The following ZNF280B variants were observed in gnomAD, a reference collection of about 807,000 sequenced individuals.
ZNF280B encodes the protein suppressor of hairy wing homolog 2.
Under a neutral mutation model 38.0 loss-of-function variants are expected in ZNF280B, and 16 were observed. That is an observed-to-expected ratio of 0.42 (90% CI 0.28 to 0.64). The LOEUF (loss-of-function observed/expected upper bound fraction) is 0.64, where lower values mean the gene tolerates loss of function less well. ZNF280B is among the 30% of genes least tolerant of loss of function. The pLI, the probability that ZNF280B is intolerant of heterozygous loss-of-function variation, is 0.21. For synonymous variants in ZNF280B, 253 were observed against 230.6 expected, an observed-to-expected ratio of 1.10 and a Z score of -0.88; for missense variants, 581 against 639.6, an observed-to-expected ratio of 0.91 and a Z score of 0.99.
At chr22:22,504,435 A>AAC (rs1358388676) in intron 2 of ZNF280B, among the ~76,000 whole-genome samples, 1 of 151,802 alleles carries the variant, frequency 6.6e-6, no homozygotes, top group East Asian at 2.0e-4. Flanking sequence ...TGAAAAAAAA[A>AAC]AAAAACAAAC....
intron 3 of ZNF280B, among the ~76,000 whole-genome samples, chr22:22,491,457 C>CTTTTTTTTTTTTT (rs55720546): frequency 2.6e-5 from 3 of 113,978 alleles, no homozygotes; most frequent in East Asian, 2.4e-4. Context: ...TGTCTTTTTT[C>CTTTTTTTTTTTTT]TTTTTTTTTT....
At position 22,487,668 on chromosome 22, in the gene ZNF280B, T is replaced by C; in HGVS notation, c.*99A>G. 2.1e-6 allele frequency: 2 copies of C among 966,802 alleles called. No individual in the cohort carries two copies. The highest frequency in any genetic ancestry group is 1.7e-5 in the South Asian group (1 of 57,660). 59.9% of individuals were successfully genotyped at this position (966,802 alleles called of 1,614,324 possible). A position where few individuals can be genotyped will look rare whatever the true frequency, so the allele number is the denominator to read the frequency against. On this transcript the variant is annotated 3_prime_UTR_variant, in exon 4 of 4. Transcript: ENST00000626650. The stretch of plus-strand genomic sequence containing the variant: ...CATATATAATCCACTAGTTTCACTA[T>C]TTTTGGTGCTACTGAATAATGTATG...
chr22:22,495,994 T>C (rs2061685907), intron 2 of ZNF280B, among the ~76,000 whole-genome samples: 1 of 151,072 alleles, frequency 6.6e-6, no homozygotes, highest in African/African-American at 2.4e-5. Context: ...TTAGTAGAGA[T>C]GGAGTTTCAC....
chr22:22,506,626 C>G (rs977672019), intron 2 of ZNF280B, among the ~76,000 whole-genome samples: 2 of 151,678 alleles, frequency 1.3e-5, no homozygotes, highest in African/African-American at 4.8e-5. Flanking sequence ...GCATCAAAAA[C>G]GAGATCTTTA....
chr22:22,501,475 G>C (rs2061824118), intron 2 of ZNF280B, among the ~76,000 whole-genome samples: 1 of 151,820 alleles, frequency 6.6e-6, no homozygotes. Context: ...GAGGCAGGAA[G>C]AATCACTTGA....
intron 3 of ZNF280B, among the ~76,000 whole-genome samples, chr22:22,493,352 T>C (rs2061634902): frequency 6.6e-6 from 1 of 151,986 alleles, no homozygotes; most frequent in African/African-American, 2.4e-5. Context: ...TATGATTTAC[T>C]AAAGTTATAT....
intron 2 of ZNF280B, among the ~76,000 whole-genome samples, chr22:22,504,678 G>T (rs1374771415): frequency 1.3e-5 from 2 of 151,894 alleles, no homozygotes; most frequent in African/African-American, 4.8e-5. Flanking sequence ...CTATTTTAGT[G>T]GAACTATAGC....
chr22:22,505,924 A>G (rs538248773), intron 2 of ZNF280B, among the ~76,000 whole-genome samples: 1 of 152,084 alleles, frequency 6.6e-6, no homozygotes, highest in Admixed American at 6.6e-5. Flanking sequence ...TTAGAGAGTA[A>G]TAGTGGAAGC....
rs1386019494 is a variant in ZNF280B, at chr22:22,508,684, A to C, written c.-273T>G. 2 of 151,844 alleles carry C rather than the reference A, an allele frequency of 1.3e-5. No homozygotes were observed. Among genetic ancestry groups the C allele is most frequent in the Non-Finnish European group, 2.9e-5 (2 of 68,010 alleles). The allele number at this position is 151,844 out of a possible 1,614,324, so 9.4% of individuals were successfully genotyped here. A position where few individuals can be genotyped will look rare whatever the true frequency, so the allele number is the denominator to read the frequency against. Reference sequence around the variant, plus strand: ...CAGTCCGGATCAGCTGCTGTTCGCGAGCTGCCGGCCACGCACCAGCCCCGG... The same window carrying C: ...CAGTCCGGATCAGCTGCTGTTCGCGCGCTGCCGGCCACGCACCAGCCCCGG... On this transcript the variant is annotated 5_prime_UTR_variant, in exon 1 of 4. Transcript: ENST00000626650.
intron 3 of ZNF280B, among the ~76,000 whole-genome samples, chr22:22,490,538 G>T (rs1190933780): frequency 1.3e-5 from 2 of 151,724 alleles, no homozygotes. Context: ...ATATATTTCA[G>T]CTCACTGCAA....
intron 2 of ZNF280B, among the ~76,000 whole-genome samples, chr22:22,495,670 T>C (rs1464659627): frequency 6.6e-6 from 1 of 151,882 alleles, no homozygotes; most frequent in Non-Finnish European, 1.5e-5. Context: ...AGAGTGGAAA[T>C]AGTAGTAAGG....
At chr22:22,505,418 T>C (rs1445177119) in intron 2 of ZNF280B, among the ~76,000 whole-genome samples, 1 of 151,598 alleles carries the variant, frequency 6.6e-6, no homozygotes, top group Non-Finnish European at 1.5e-5. Context: ...ATACAAAACG[T>C]AGCCAAGTGT....
At chr22:22,500,823 C>T (rs1357893811) in intron 2 of ZNF280B, among the ~76,000 whole-genome samples, 3 of 151,718 alleles carry the variant, frequency 2.0e-5, no homozygotes, top group African/African-American at 7.3e-5. Context: ...CACGCCACTG[C>T]ACTCCAGCCT....
chr22:22,501,035 A>AAAAAAC (rs1555942001), intron 2 of ZNF280B, among the ~76,000 whole-genome samples: 5,099 of 139,636 alleles, frequency 0.037, 168 homozygotes, highest in African/African-American at 0.077. Context: ...AAAAAAAAAA[A>AAAAAAC]AAAAAACAAA....
chr22:22,486,131 G>A lies in ZNF280B; in HGVS notation c.*1636C>T, dbSNP rs1262627199. The A allele has an allele frequency of 5.3e-5, 8 of 151,988 alleles. No individual in the cohort carries two copies. Among genetic ancestry groups the A allele is most frequent in the Non-Finnish European group, 8.8e-5 (6 of 68,020 alleles). The allele number at this position is 151,988 out of a possible 1,614,324, so 9.4% of individuals were successfully genotyped here. The stretch of plus-strand genomic sequence containing the variant: ...GTCAGGTAAGACCCAAACAGCATTA[G>A]TGTCAAAAAACTGGGAAACTATACA... On this transcript the variant is annotated 3_prime_UTR_variant, in exon 4 of 4. Coordinates refer to ENST00000626650, the MANE Select transcript of ZNF280B (RefSeq NM_080764.4).
intron 2 of ZNF280B, among the ~76,000 whole-genome samples, chr22:22,505,889 G>A (rs2061928295): frequency 6.6e-6 from 1 of 152,002 alleles, no homozygotes; most frequent in Non-Finnish European, 1.5e-5. Context: ...TAGGATTGCT[G>A]TGGCTACTGT....
rs924498496 is a variant in ZNF280B, at chr22:22,489,204, G to A, written c.195C>T (p.Thr65=). 4 of 1,613,600 alleles carry A rather than the reference G, an allele frequency of 2.5e-6. No individual in the cohort carries two copies. Among genetic ancestry groups the A allele is most frequent in the Non-Finnish European group, 3.4e-6 (4 of 1,179,938 alleles). ...TTTTTCTCCTTGACCATGAACCCGG[G>A]GTGACTCTGTTCAAAATGTTTGAAA... ...PVVSNILNRV[T]PGSWSRRKKY... Residue 65 remains threonine, a synonymous_variant, in exon 4 of 4, where the codon ACC becomes ACT. Coordinates refer to ENST00000626650, the MANE Select transcript of ZNF280B (RefSeq NM_080764.4).
rs1463250453 is a variant in ZNF280B, at chr22:22,488,756, G to C, written c.643C>G (p.Gln215Glu). The change falls in exon 4 of 4, where the codon CAA becomes GAA. Residue 215 changes from glutamine (Q) to glutamate (E), a missense_variant. Physicochemically the swap from Gln to Glu is conservative, Grantham distance 29 (BLOSUM62 2). Coordinates refer to ENST00000626650, the MANE Select transcript of ZNF280B (RefSeq NM_080764.4). Reference protein sequence around the residue: ...SDTFHTMNTQQSTPSNNVHTS... With the variant: ...SDTFHTMNTQESTPSNNVHTS... ...TGAACATTATTTGAGGGTGTACTTT[G>C]CTGAGTATTCATTGTATGAAAGGTA... is the stretch of plus-strand genomic sequence containing the variant. The C allele has an allele frequency of 2.5e-6, 4 of 1,613,718 alleles. No homozygotes were observed. The highest frequency in any genetic ancestry group is 3.4e-6 in the Non-Finnish European group (4 of 1,179,968).
In ZNF280B at chr22:22,489,026, C is replaced by T; in HGVS notation, c.373G>A (p.Asp125Asn). ...ACTTGTGGTGAACTATTTCTATAAT[C>T]AGGTTTAGACAAAGGCTCAATAATA... is the stretch of plus-strand genomic sequence containing the variant. Reference protein sequence around the residue: ...PIIIEPLSKPDYRNSSPQVVP... With the variant: ...PIIIEPLSKPNYRNSSPQVVP... Residue 125 changes from aspartate (D) to asparagine (N), a missense_variant, in exon 4 of 4, where the codon GAT becomes AAT. Physicochemically the swap from Asp to Asn is conservative, Grantham distance 23. Transcript: ENST00000626650. The T allele has an allele frequency of 5.0e-6, 8 of 1,613,802 alleles. No homozygotes were observed. The highest frequency in any genetic ancestry group is 6.8e-6 in the Non-Finnish European group (8 of 1,179,944).
Sources: allele counts gnomAD v4.1 joint callset (sites outside exome capture counted in the v4.1 genomes callset), GRCh38; gene constraint gnomAD v4.1.1; transcripts MANE v1.5; gene names NCBI Gene and HGNC (gene_info 2026-07-23, HGNC 2026-07-21).